Variants in IL1RAPL2 observed in about 807,000 individuals in gnomAD.
IL1RAPL2 encodes interleukin 1 receptor accessory protein like 2, also known as X-linked interleukin-1 receptor accessory protein-like 2.
IL1RAPL2 carries 3 observed loss-of-function variants against 44.1 expected under a neutral mutation model. That is an observed-to-expected ratio of 0.07 (90% confidence interval 0.03 to 0.18). IL1RAPL2 has a LOEUF of 0.18. Ranked by LOEUF, IL1RAPL2 falls within the 10% of genes least tolerant of loss-of-function variation. The probability of loss-of-function intolerance (pLI) is 1.00; values close to 1 mark genes in which losing one functional copy is unlikely to be tolerated. For missense variants in IL1RAPL2, 391 were observed against 496.4 expected, an observed-to-expected ratio of 0.79 and a Z score of 2.02; for synonymous variants, 181 against 178.8, an observed-to-expected ratio of 1.01 and a Z score of -0.10.
chrX:105,511,865 T>G (rs748313901), intron 6 of IL1RAPL2, among the ~76,000 whole-genome samples: 2 of 111,565 alleles, frequency 1.8e-5, no homozygotes, highest in African/African-American at 6.5e-5. Flanking sequence ...GAAAATATTT[T>G]GTGTTTTTTA....
intron 8 of IL1RAPL2, among the ~76,000 whole-genome samples, chrX:105,740,946 T>C (rs1050977004): frequency 1.8e-5 from 2 of 112,179 alleles, no homozygotes; most frequent in East Asian, 2.8e-4. Context: ...ACCTTAGTTA[T>C]AAGTGTTACA....
intron 2 of IL1RAPL2, among the ~76,000 whole-genome samples, chrX:104,791,237 C>A (rs1208015033): frequency 9.7e-6 from 1 of 103,237 alleles, no homozygotes; most frequent in Non-Finnish European, 2.0e-5. Flanking sequence ...CACCCCCACC[C>A]CTCCCCCATC....
At chrX:104,792,248 T>G (rs1490637719) in intron 2 of IL1RAPL2, among the ~76,000 whole-genome samples, 1 of 111,146 alleles carries the variant, frequency 9.0e-6, no homozygotes, top group Non-Finnish European at 1.9e-5. Flanking sequence ...TGTCTCATTT[T>G]TATAAAAATG....
intron 2 of IL1RAPL2, among the ~76,000 whole-genome samples, chrX:104,969,068 A>C (rs2030184132): frequency 9.2e-6 from 1 of 108,227 alleles, no homozygotes; most frequent in Non-Finnish European, 1.9e-5. Context: ...CAGAAGGAAA[A>C]AGACCTCAGG....
At chrX:105,380,362 G>T (rs998501893) in intron 5 of IL1RAPL2, among the ~76,000 whole-genome samples, 30 of 111,453 alleles carry the variant, frequency 2.7e-4, no homozygotes, top group Non-Finnish European at 1.3e-4. Flanking sequence ...GGTTTAAGGG[G>T]CTTAGAAAGA....
chrX:105,156,387 C>T (rs1302802281), intron 2 of IL1RAPL2, among the ~76,000 whole-genome samples: 2 of 112,014 alleles, frequency 1.8e-5, no homozygotes, highest in South Asian at 7.4e-4. Context: ...TTCATAGTCT[C>T]TTTTCCTTTT....
chrX:104,676,674 G>A (rs1198340999), intron 2 of IL1RAPL2, among the ~76,000 whole-genome samples: 1 of 111,696 alleles, frequency 9.0e-6, no homozygotes, highest in East Asian at 2.8e-4. Flanking sequence ...AAGTTCTCCT[G>A]GATAATATCC....
intron 2 of IL1RAPL2, among the ~76,000 whole-genome samples, chrX:104,873,383 T>C (rs1207990756): frequency 8.9e-6 from 1 of 112,244 alleles, no homozygotes; most frequent in Non-Finnish European, 1.9e-5. Flanking sequence ...CAGTCCATTG[T>C]AATCTTCAAG....
chrX:104,691,166 CATTTT>C (rs1284296938), intron 2 of IL1RAPL2, among the ~76,000 whole-genome samples: 3 of 112,138 alleles, frequency 2.7e-5, no homozygotes, highest in African/African-American at 6.5e-5. Context: ...TGGAATCAAC[CATTTT>C]AGGAGCTCTG....
At chrX:105,222,869 G>A (rs1173995539) in intron 3 of IL1RAPL2, among the ~76,000 whole-genome samples, 2 of 111,562 alleles carry the variant, frequency 1.8e-5, no homozygotes, top group Admixed American at 9.5e-5. Context: ...ACCTGTTGGG[G>A]CCATGTGTGG....
chrX:105,133,072 T>C (rs1042478015), intron 2 of IL1RAPL2, among the ~76,000 whole-genome samples: 3 of 112,135 alleles, frequency 2.7e-5, no homozygotes, highest in Non-Finnish European at 5.6e-5. Flanking sequence ...GTTTCTTTTA[T>C]AGCATCCACT....
At chrX:105,062,492 T>G (rs192330860) in intron 2 of IL1RAPL2, among the ~76,000 whole-genome samples, 1 of 111,786 alleles carries the variant, frequency 8.9e-6, no homozygotes, top group Non-Finnish European at 1.9e-5. Context: ...AGTATTACAA[T>G]ATTCTGTGTG....
chrX:104,825,906 G>A (rs1259180494), intron 2 of IL1RAPL2, among the ~76,000 whole-genome samples: 1 of 111,463 alleles, frequency 9.0e-6, no homozygotes, highest in Non-Finnish European at 1.9e-5. Flanking sequence ...TGTTGATCTT[G>A]TCTGAGTTCT....
intron 1 of IL1RAPL2, among the ~76,000 whole-genome samples, chrX:104,573,853 C>T (rs928854925): frequency 9.0e-6 from 1 of 111,189 alleles, no homozygotes; most frequent in Non-Finnish European, 1.9e-5. Flanking sequence ...CAAATTCATG[C>T]GTTTGAGGGA....
chrX:105,532,386 A>G (rs5916736), intron 6 of IL1RAPL2, among the ~76,000 whole-genome samples: 57,076 of 110,084 alleles, frequency 0.52, 11,556 homozygotes, highest in African/African-American at 0.74. Flanking sequence ...GAATTTCTGT[A>G]CCCATACCAA....
At chrX:105,248,148 G>A (rs1172967635) in intron 4 of IL1RAPL2, among the ~76,000 whole-genome samples, 1 of 110,733 alleles carries the variant, frequency 9.0e-6, no homozygotes, top group African/African-American at 3.3e-5. Context: ...TAACCACAGT[G>A]TTGGAACATC....
At chrX:104,930,483 A>G (rs1201672042) in intron 2 of IL1RAPL2, among the ~76,000 whole-genome samples, 1 of 111,835 alleles carries the variant, frequency 8.9e-6, no homozygotes, top group East Asian at 2.8e-4. Context: ...TGTGTCAAGA[A>G]CTTTACATGA....
intron 2 of IL1RAPL2, among the ~76,000 whole-genome samples, chrX:105,037,663 C>A (rs190679368): frequency 8.9e-6 from 1 of 111,734 alleles, no homozygotes; most frequent in Non-Finnish European, 1.9e-5. Context: ...AAGGCTAGCA[C>A]TGTCATTTGT....
chrX:104,900,966 G>GT (rs904749683), intron 2 of IL1RAPL2, among the ~76,000 whole-genome samples: 3 of 110,923 alleles, frequency 2.7e-5, no homozygotes, highest in African/African-American at 9.8e-5. Flanking sequence ...CTAAAATGTT[G>GT]TATCATAAAG....
Sources: allele counts gnomAD v4.1 joint callset (sites outside exome capture counted in the v4.1 genomes callset), GRCh38; gene constraint gnomAD v4.1.1; transcripts MANE v1.5; gene names NCBI Gene and HGNC (gene_info 2026-07-23, HGNC 2026-07-21).